The following NUDC variants were observed in gnomAD, a reference collection of about 807,000 sequenced individuals.
The protein encoded by NUDC is nuclear distribution C, dynein complex regulator.
Under a neutral mutation model 45.0 loss-of-function variants are expected in NUDC, and 14 were observed. That is an observed-to-expected ratio of 0.31 (90% CI 0.21 to 0.49). The LOEUF (loss-of-function observed/expected upper bound fraction) is 0.49. Among genes scored for constraint, NUDC ranks in the 20% least tolerant of loss-of-function variants. The probability of loss-of-function intolerance (pLI) is 0.99; values close to 1 mark genes in which losing one functional copy is unlikely to be tolerated. For missense variants in NUDC, 323 were observed against 426.2 expected (o/e 0.76, Z 2.13); for synonymous variants, 153 against 156.7 (o/e 0.98, Z 0.17).
chr1:26,939,624 A>G (rs1318123887), intron 2 of NUDC, among the ~76,000 whole-genome samples: 2 of 152,110 alleles, frequency 1.3e-5, no homozygotes, highest in Non-Finnish European at 2.9e-5. Context: ...ATAACAAGAT[A>G]GAGGCACAGA....
chr1:26,922,028 G>A (rs913169564), intron 1 of NUDC, 99 bp downstream of exon 1: 52 of 1,260,864 alleles, frequency 4.1e-5, no homozygotes, highest in Non-Finnish European at 5.6e-5. Context: ...AGCGGCTCGC[G>A]GGCTTCTGGG....
In NUDC at chr1:26,945,484, G is replaced by T; in HGVS notation, c.825+11G>T. The T allele has an allele frequency of 6.2e-7, 1 of 1,613,990 alleles. No homozygotes were observed. The highest frequency in any genetic ancestry group is 2.2e-5 in the East Asian group (1 of 44,890). ...CCTGAGAATTCCAAGGTGAGCCCTG[G>T]CTGGTTGGGGGAGCTTCAGCAGGAA... On this transcript the variant is annotated intron_variant, in intron 7 of 8. Transcript: ENST00000321265.
intron 3 of NUDC, chr1:26,912,140 A>C: frequency 6.2e-7 from 1 of 1,607,040 alleles, no homozygotes; most frequent in East Asian, 2.2e-5. Context: ...CCAGCCACCA[A>C]AGGACAAGAC....
upstream of NUDC, among the ~76,000 whole-genome samples, chr1:26,916,932 G>T (rs1557668797): frequency 6.6e-6 from 1 of 152,154 alleles, no homozygotes; most frequent in Non-Finnish European, 1.5e-5. Context: ...TCTAGCCTGG[G>T]CAACAGAGTG....
At chr1:26,939,154 G>A (rs946840295) in intron 2 of NUDC, among the ~76,000 whole-genome samples, 3 of 151,924 alleles carry the variant, frequency 2.0e-5, no homozygotes, top group Admixed American at 6.6e-5. Flanking sequence ...CCACCACACC[G>A]GGCTCATTTT....
At chr1:26,924,993 G>A (rs898034839) in intron 2 of NUDC, among the ~76,000 whole-genome samples, 1 of 151,566 alleles carries the variant, frequency 6.6e-6, no homozygotes, top group Non-Finnish European at 1.5e-5. Context: ...TGATTCTTGT[G>A]CCTCAGCCTC....
At chr1:26,906,280 A>G (rs923070558) in intron 2 of NUDC, among the ~76,000 whole-genome samples, 11 of 151,928 alleles carry the variant, frequency 7.2e-5, no homozygotes, top group Non-Finnish European at 1.3e-4. Flanking sequence ...CTCTGTCTCA[A>G]AAAAAAACGA....
intron 2 of NUDC, among the ~76,000 whole-genome samples, chr1:26,938,202 C>CT (rs1016478242): frequency 2.0e-5 from 3 of 152,134 alleles, no homozygotes; most frequent in Non-Finnish European, 4.4e-5. Flanking sequence ...GGTTATCTGT[C>CT]TGAGGCTGGG....
intron 3 of NUDC, chr1:26,913,545 A>G: frequency 6.2e-7 from 1 of 1,613,978 alleles, no homozygotes; most frequent in Non-Finnish European, 8.5e-7. Flanking sequence ...GCAGTTGGCC[A>G]CTGCCTCCAC....
At chr1:26,913,966 G>A in intron 3 of NUDC, 1 of 1,437,780 alleles carries the variant, frequency 7.0e-7, no homozygotes, top group Non-Finnish European at 9.2e-7. Flanking sequence ...CTCACTTCCA[G>A]CTCTCTGGCT....
chr1:26,946,478 T>C lies in NUDC; in HGVS notation c.*297T>C. 1 of 454,554 alleles carries C rather than the reference T, an allele frequency of 2.2e-6. No individual in the cohort carries two copies. The highest frequency in any genetic ancestry group is 4.6e-5 in the East Asian group (1 of 21,858). 28.2% of individuals were successfully genotyped at this position (454,554 alleles called of 1,614,324 possible). On this transcript the variant is annotated 3_prime_UTR_variant, in exon 9 of 9. Transcript: ENST00000321265. ...TGCTGCTGGGAACTGGGAGTTTGGCTTCTAGCCCAGATTCTGCCATGTGAC... is the reference window on the plus strand; with the variant it reads ...TGCTGCTGGGAACTGGGAGTTTGGCCTCTAGCCCAGATTCTGCCATGTGAC...
chr1:26,942,534 G>A, intron 4 of NUDC, 126 bp from the exon 5 acceptor site: 1 of 1,390,418 alleles, frequency 7.2e-7, no homozygotes, highest in Non-Finnish European at 1.0e-6. Context: ...TGTGGAGTGG[G>A]CAGGGACCAG....
chr1:26,934,338 G>A (rs779530517), intron 2 of NUDC, among the ~76,000 whole-genome samples: 79 of 152,160 alleles, frequency 5.2e-4, no homozygotes, highest in Non-Finnish European at 1.0e-3. Context: ...CGTATCATGA[G>A]AACAGCATGG....
At chr1:26,901,407 T>C (rs1460064034) in intron 1 of NUDC, among the ~76,000 whole-genome samples, 5 of 141,998 alleles carry the variant, frequency 3.5e-5, no homozygotes, top group Non-Finnish European at 7.7e-5. Flanking sequence ...CTTTTTTTTT[T>C]TTTTTTTTTT....
At chr1:26,905,554 G>A (rs1367454612) in intron 2 of NUDC, among the ~76,000 whole-genome samples, 1 of 152,190 alleles carries the variant, frequency 6.6e-6, no homozygotes, top group Non-Finnish European at 1.5e-5. Flanking sequence ...GTGATGAGGA[G>A]ATATTTGAGG....
intron 2 of NUDC, among the ~76,000 whole-genome samples, chr1:26,933,983 G>T (rs531084065): frequency 7.9e-5 from 12 of 152,172 alleles, no homozygotes; most frequent in African/African-American, 2.2e-4. Flanking sequence ...TGAAACCCCA[G>T]CTCTCCTAAA....
At chr1:26,934,126 C>T (rs1202856681) in intron 2 of NUDC, among the ~76,000 whole-genome samples, 1 of 152,186 alleles carries the variant, frequency 6.6e-6, no homozygotes, top group African/African-American at 2.4e-5. Flanking sequence ...GCACTCCAGC[C>T]TGTCGAGAGA....
chr1:26,901,268 A>G (rs549086039), intron 1 of NUDC, among the ~76,000 whole-genome samples: 7 of 151,246 alleles, frequency 4.6e-5, no homozygotes, highest in African/African-American at 1.7e-4. Context: ...TTTTTAAACT[A>G]TTTGTAGAGA....
chr1:26,943,144 C>A, intron 6 of NUDC, 79 bp downstream of exon 6: 1 of 1,425,766 alleles, frequency 7.0e-7, no homozygotes, highest in Non-Finnish European at 9.9e-7. Context: ...TACTCAGGAG[C>A]CATGCTGGGG....
Sources: gnomAD v4.1 joint callset for allele counts (sites outside exome capture counted in the v4.1 genomes callset) on GRCh38, gnomAD v4.1.1 for gene constraint, MANE v1.5 for transcripts, NCBI Gene and HGNC (gene_info 2026-07-23, HGNC 2026-07-21) for gene names.